ZNF512: variants seen among roughly 807,000 people sequenced by gnomAD.
ZNF512 encodes the protein zinc finger protein 512.
ZNF512 carries 25 observed loss-of-function variants against 77.5 expected under a neutral mutation model. The observed-to-expected ratio is 0.32, with a 90% CI of 0.23 to 0.45. The LOEUF (loss-of-function observed/expected upper bound fraction) is 0.45. Among genes scored for constraint, ZNF512 ranks in the 20% least tolerant of loss-of-function variants. ZNF512 has a pLI of 1.00. For missense variants in ZNF512, 483 were observed against 692.6 expected (o/e 0.70, Z 3.40); for synonymous variants, 246 against 239.9 (o/e 1.03, Z -0.24).
intron 10 of ZNF512, among the ~76,000 whole-genome samples, chr2:27,610,464 AT>A (rs1165770972): frequency 1.2e-5 from 1 of 82,282 alleles, no homozygotes; most frequent in Non-Finnish European, 2.4e-5. Context: ...AATAGGTTAT[AT>A]ATGTGTATAT....
chr2:27,594,106 A>G (rs1168922174), intron 2 of ZNF512, among the ~76,000 whole-genome samples: 1 of 152,232 alleles, frequency 6.6e-6, no homozygotes, highest in African/African-American at 2.4e-5. Context: ...AAGATTGCAC[A>G]GCGGCCAGTC....
chr2:27,600,601 T>C, intron 5 of ZNF512, 90 bp from the exon 6 acceptor site: 1 of 1,495,592 alleles, frequency 6.7e-7, no homozygotes, highest in Non-Finnish European at 9.0e-7. Flanking sequence ...GAAAAACCAT[T>C]TTATGATACT....
At chr2:27,603,366 C>A (rs2148024390) in intron 9 of ZNF512, 59 bp downstream of exon 9, 1 of 1,566,436 alleles carries the variant, frequency 6.4e-7, no homozygotes, top group Non-Finnish European at 8.7e-7. Flanking sequence ...TGAGTCCTTA[C>A]CCCTCTATCT....
intron 6 of ZNF512, 100 bp downstream of exon 6, chr2:27,600,915 A>T (rs956482438): frequency 3.5e-6 from 5 of 1,419,192 alleles, no homozygotes; most frequent in Non-Finnish European, 4.7e-6. Context: ...GATGAAAAGC[A>T]GCATTGTATA....
At chr2:27,584,446 C>A (rs1463846459) in intron 2 of ZNF512, among the ~76,000 whole-genome samples, 2 of 152,194 alleles carry the variant, frequency 1.3e-5, no homozygotes, top group Non-Finnish European at 2.9e-5. Flanking sequence ...TGGATTCATT[C>A]ATTCAGGTGA....
In ZNF512 at chr2:27,592,789, G is replaced by A. The variant is rs1054359683; in HGVS notation, c.90-5278G>A. On this transcript the variant is annotated intron_variant, in intron 2 of 13. Coordinates refer to ENST00000355467, the MANE Select transcript of ZNF512 (RefSeq NM_032434.4). Reference sequence around the variant, plus strand: ...CAACCTCTGCCTCCCAGGTGCAAGCGATTCTTCTGCTTCAGCCTACTGAGT... The same window carrying A: ...CAACCTCTGCCTCCCAGGTGCAAGCAATTCTTCTGCTTCAGCCTACTGAGT... 3.8e-4 allele frequency among the ~76,000 whole-genome samples: 54 copies of A among 143,358 alleles called. 1 individual carries two copies. The highest frequency in any genetic ancestry group is 7.5e-4 in the Non-Finnish European group (50 of 66,810). The allele number at this position is 143,358 out of a possible 152,430, so 94.0% of individuals were successfully genotyped here. A position where few individuals can be genotyped will look rare whatever the true frequency, so the allele number is the denominator to read the frequency against.
chr2:27,608,094 C>T (rs1180876536), intron 10 of ZNF512, 55 bp downstream of exon 10: 3 of 1,468,002 alleles, frequency 2.0e-6, no homozygotes, highest in Non-Finnish European at 2.7e-6. Flanking sequence ...GTTGTGCCTA[C>T]TGTACACAGA....
chr2:27,597,379 T>A (rs538205811), intron 2 of ZNF512, among the ~76,000 whole-genome samples: 1 of 152,370 alleles, frequency 6.6e-6, no homozygotes, highest in East Asian at 1.9e-4. Context: ...CTTGGAGAAC[T>A]GCTGCTCTGC....
Position 27,583,804 on chromosome 2 carries a change from C to T in ZNF512, c.89+88C>T, listed in dbSNP as rs570900482. On this transcript the variant is annotated intron_variant, in intron 2 of 13. Transcript: ENST00000355467. ...TTCCTGTGATGAAAATGTTCTGTAT[C>T]TGCATTGTCCAGTATCATAGCCACT... 2.9e-5 allele frequency: 42 copies of T among 1,451,212 alleles called. No homozygotes were observed. In the South Asian group the frequency reaches 4.7e-4, roughly 16 times the overall value. The allele number at this position is 1,451,212 out of a possible 1,614,324, so 89.9% of individuals were successfully genotyped here. A position where few individuals can be genotyped will look rare whatever the true frequency, so the allele number is the denominator to read the frequency against.
chr2:27,607,046 CTCT>C (rs1672398662), intron 9 of ZNF512, among the ~76,000 whole-genome samples: 2 of 152,056 alleles, frequency 1.3e-5, no homozygotes, highest in African/African-American at 4.8e-5. Context: ...TCTCTCCTGC[CTCT>C]TCTTCTGCTG....
intron 10 of ZNF512, among the ~76,000 whole-genome samples, chr2:27,613,651 G>A (rs1261072830): frequency 6.6e-6 from 1 of 152,130 alleles, no homozygotes; most frequent in African/African-American, 2.4e-5. Context: ...CTTCTGTATA[G>A]ATGGGTTTTG....
intron 2 of ZNF512, among the ~76,000 whole-genome samples, chr2:27,591,219 T>C (rs1671561545): frequency 6.6e-6 from 1 of 151,986 alleles, no homozygotes; most frequent in African/African-American, 2.4e-5. Flanking sequence ...TTAAAATTTT[T>C]TTATTTTTAT....
At chr2:27,610,953 C>T (rs936030563) in intron 10 of ZNF512, among the ~76,000 whole-genome samples, 54 of 151,990 alleles carry the variant, frequency 3.6e-4, no homozygotes, top group Non-Finnish European at 8.8e-5. Context: ...GAGTAGATAA[C>T]ATATTCTTCA....
At chr2:27,583,173 A>G (rs1316360259) in intron 1 of ZNF512, 31 bp downstream of exon 1, 2 of 1,614,152 alleles carry the variant, frequency 1.2e-6, no homozygotes, top group Non-Finnish European at 1.7e-6. Context: ...GTTATGCTTT[A>G]GAGGTAGCGC....
Position 27,608,121 on chromosome 2 carries a change from A to C in ZNF512, c.1131+82A>C, listed in dbSNP as rs989413368. On this transcript the variant is annotated intron_variant, in intron 10 of 13. Transcript: ENST00000355467. ...GTACACAGAGAAGTAAATGCACTTG[A>C]GGAAGTACGTGATAGGCAGTATTTT... is the stretch of plus-strand genomic sequence containing the variant. 355 of 1,318,498 alleles carry C rather than the reference A, an allele frequency of 2.7e-4. 1 individual carries two copies. The highest frequency in any genetic ancestry group is 3.7e-5 in the Non-Finnish European group (36 of 981,702). The allele number at this position is 1,318,498 out of a possible 1,614,324, so 81.7% of individuals were successfully genotyped here.
At chr2:27,617,097 A>T (rs1390871994) in intron 12 of ZNF512, 1 of 201,034 alleles carries the variant, frequency 5.0e-6, no homozygotes. Context: ...TAGTGGGAAG[A>T]ATTGTACATT....
At chr2:27,600,536 A>G (rs1398964156) in intron 5 of ZNF512, among the ~76,000 whole-genome samples, 155 bp from the exon 6 acceptor site, 1 of 152,232 alleles carries the variant, frequency 6.6e-6, no homozygotes, top group Non-Finnish European at 1.5e-5. Flanking sequence ...AAAAAATACT[A>G]CTTTTAGAAG....
intron 2 of ZNF512, among the ~76,000 whole-genome samples, chr2:27,588,198 A>AT (rs1189127394): frequency 1.3e-5 from 2 of 151,350 alleles, no homozygotes; most frequent in East Asian, 1.9e-4. Flanking sequence ...TAAATTTATC[A>AT]TTTTTTTCTT....
chr2:27,596,767 G>A (rs192125723), intron 2 of ZNF512, among the ~76,000 whole-genome samples: 4 of 152,276 alleles, frequency 2.6e-5, no homozygotes, highest in Admixed American at 6.5e-5. Context: ...GTGGAGAGCC[G>A]AAACTCATTC....
Sources: allele counts gnomAD v4.1 joint callset (sites outside exome capture counted in the v4.1 genomes callset), GRCh38; gene constraint gnomAD v4.1.1; transcripts MANE v1.5; gene names NCBI Gene and HGNC (gene_info 2026-07-23, HGNC 2026-07-21).